Variants in SETBP1 observed in about 807,000 individuals in gnomAD.
The protein encoded by SETBP1 is SET-binding protein.
A neutral mutation model predicts 101.0 loss-of-function variants in SETBP1; 9 were observed. The observed-to-expected ratio is 0.09, with a 90% CI of 0.05 to 0.16. The LOEUF (loss-of-function observed/expected upper bound fraction) is 0.16, where lower values mean the gene tolerates loss of function less well. SETBP1 is among the 10% of genes least tolerant of loss of function. The pLI is 1.00. For synonymous variants in SETBP1, 818 were observed against 788.5 expected (o/e 1.04, Z -0.63); for missense variants, 1,858 against 2,033.8 (o/e 0.91, Z 1.66).
chr18:44,932,937 CCTT>C (rs1391469282), intron 3 of SETBP1, among the ~76,000 whole-genome samples: 2 of 152,212 alleles, frequency 1.3e-5, no homozygotes, highest in African/African-American at 4.8e-5. Context: ...TCATTTGAAG[CCTT>C]CTTCTCTCAG....
At chr18:44,997,567 G>A (rs1386924672) in intron 4 of SETBP1, among the ~76,000 whole-genome samples, 1 of 152,136 alleles carries the variant, frequency 6.6e-6, no homozygotes, top group East Asian at 1.9e-4. Context: ...GAGGTTTTTA[G>A]ACTAATGATT....
intron 2 of SETBP1, among the ~76,000 whole-genome samples, chr18:44,853,256 A>G (rs930053116): frequency 1.3e-5 from 2 of 152,154 alleles, no homozygotes; most frequent in African/African-American, 2.4e-5. Context: ...CAGCTCTCCC[A>G]TGTGAAGAGA....
rs761856775 is a variant in SETBP1, at chr18:44,950,749, T to C, written c.1409T>C (p.Met470Thr). Residue 470 changes from methionine to threonine, a missense_variant, in exon 4 of 6, where the codon ATG becomes ACG. Transcript: ENST00000649279. Reference protein sequence around the residue: ...KDPRVPKLSKMIENESPSVGL... With the variant: ...KDPRVPKLSKTIENESPSVGL... ...CCCCGTGTCCCTAAGTTGAGTAAAA[T>C]GATAGAGAATGAGTCCCCCTCAGTT... 6.8e-6 allele frequency: 11 copies of C among 1,613,924 alleles called. No individual in the cohort carries two copies. In the South Asian group the frequency reaches 1.2e-4, roughly 18 times the overall value.
chr18:45,023,273 T>C (rs1382864776), intron 4 of SETBP1, among the ~76,000 whole-genome samples: 1 of 152,238 alleles, frequency 6.6e-6, no homozygotes, highest in Non-Finnish European at 1.5e-5. Context: ...TCAAGTCACC[T>C]CCATAAATCT....
intron 2 of SETBP1, among the ~76,000 whole-genome samples, chr18:44,742,412 G>A (rs1352227868): frequency 2.6e-5 from 4 of 152,100 alleles, no homozygotes; most frequent in Admixed American, 6.5e-5. Context: ...TTTGTCTCCT[G>A]GCCCTGGTCC....
At chr18:44,685,403 C>G (rs1486268287) in intron 1 of SETBP1, among the ~76,000 whole-genome samples, 1 of 152,200 alleles carries the variant, frequency 6.6e-6, no homozygotes, top group East Asian at 1.9e-4. Flanking sequence ...AGCATTTTAT[C>G]TCCGTTTAGA....
At chr18:44,728,061 G>T (rs142212020) in intron 2 of SETBP1, among the ~76,000 whole-genome samples, 190 of 152,298 alleles carry the variant, frequency 1.2e-3, no homozygotes, top group Admixed American at 3.6e-3. Flanking sequence ...GCTATCTCAG[G>T]AAGAAAAGCA....
At chr18:44,910,980 C>G (rs2070295150) in intron 3 of SETBP1, among the ~76,000 whole-genome samples, 1 of 152,204 alleles carries the variant, frequency 6.6e-6, no homozygotes, top group Admixed American at 6.5e-5. Context: ...CAATATAGGA[C>G]TTTGATTTTC....
chr18:44,985,463 A>G (rs2072210594), intron 4 of SETBP1, among the ~76,000 whole-genome samples: 2 of 152,196 alleles, frequency 1.3e-5, no homozygotes, highest in Non-Finnish European at 2.9e-5. Flanking sequence ...AGTAATAATA[A>G]TTCTGGCTTG....
chr18:44,709,093 T>C (rs995365732), intron 2 of SETBP1, among the ~76,000 whole-genome samples: 1 of 152,222 alleles, frequency 6.6e-6, no homozygotes, highest in Non-Finnish European at 1.5e-5. Flanking sequence ...GTCTTCTATT[T>C]TTCTCTTTTT....
At chr18:44,705,614 A>G (rs1427647506) in intron 2 of SETBP1, among the ~76,000 whole-genome samples, 2 of 152,158 alleles carry the variant, frequency 1.3e-5, no homozygotes, top group African/African-American at 4.8e-5. Flanking sequence ...GACAGCTTAT[A>G]TGGGATCCCA....
Position 45,063,176 on chromosome 18 carries a change from C to G in SETBP1, c.4269C>G (p.Thr1423=), listed in dbSNP as rs746057646. The change falls in exon 6 of 6, where the codon ACC becomes ACG. Residue 1423 remains threonine, a synonymous_variant. Transcript: ENST00000649279. ...GCAACTACACCAAGATCCTGTCCAC[C>G]AAGAAGAACCTGGACCACGTGAACA... ...KMCNYTKILS[T]KKNLDHVNKI... 6.8e-6 allele frequency: 11 copies of G among 1,614,042 alleles called. No homozygotes were observed. The East Asian group carries it at 2.5e-4, about 36-fold the overall frequency.
At chr18:44,995,559 G>T (rs2072479727) in intron 4 of SETBP1, among the ~76,000 whole-genome samples, 1 of 151,616 alleles carries the variant, frequency 6.6e-6, no homozygotes, top group Non-Finnish European at 1.5e-5. Context: ...GTGTGTGTGT[G>T]TGTGTGTGTG....
chr18:44,914,501 C>A (rs568898483), intron 3 of SETBP1, among the ~76,000 whole-genome samples: 2 of 152,294 alleles, frequency 1.3e-5, no homozygotes, highest in East Asian at 1.9e-4. Context: ...GTATGACAGG[C>A]AAAGACTGGA....
intron 3 of SETBP1, among the ~76,000 whole-genome samples, chr18:44,933,197 T>C (rs1394521507): frequency 6.6e-6 from 1 of 152,240 alleles, no homozygotes; most frequent in Non-Finnish European, 1.5e-5. Context: ...TGCAGGTCTG[T>C]TGGAGTTTGC....
At chr18:44,876,658 T>C (rs528192189) in intron 3 of SETBP1, 1 of 1,551,380 alleles carries the variant, frequency 6.4e-7, no homozygotes, top group South Asian at 1.2e-5. Flanking sequence ...ACGTGCCATG[T>C]GCTTCTCATG....
intron 3 of SETBP1, among the ~76,000 whole-genome samples, chr18:44,892,991 G>A (rs879734842): frequency 6.6e-6 from 1 of 152,126 alleles, no homozygotes; most frequent in Non-Finnish European, 1.5e-5. Context: ...GACCAATATA[G>A]GGTGATTGTT....
At chr18:44,884,735 C>A (rs2069602342) in intron 3 of SETBP1, among the ~76,000 whole-genome samples, 1 of 152,062 alleles carries the variant, frequency 6.6e-6, no homozygotes, top group East Asian at 1.9e-4. Flanking sequence ...AATAAAACTT[C>A]TTCTAGTCTA....
chr18:44,844,350 C>T (rs936781814), intron 2 of SETBP1, among the ~76,000 whole-genome samples: 24 of 95,714 alleles, frequency 2.5e-4, no homozygotes, highest in East Asian at 8.2e-4. Flanking sequence ...TGCACACACG[C>T]GCGCACACAC....
Sources: gnomAD v4.1 joint callset for allele counts (sites outside exome capture counted in the v4.1 genomes callset) on GRCh38, gnomAD v4.1.1 for gene constraint, MANE v1.5 for transcripts, NCBI Gene and HGNC (gene_info 2026-07-23, HGNC 2026-07-21) for gene names.